SMPDL3B: variants seen among roughly 807,000 people sequenced by gnomAD.
The protein encoded by SMPDL3B is acid sphingomyelinase-like phosphodiesterase 3b.
SMPDL3B carries 31 observed loss-of-function variants against 37.9 expected under a neutral mutation model. The ratio of observed to expected loss-of-function variants is 0.82; its 90% CI spans 0.61 to 1.10. The LOEUF (loss-of-function observed/expected upper bound fraction) is 1.10, where lower values mean the gene tolerates loss of function less well. Among genes scored for constraint, SMPDL3B ranks in the 50% least tolerant of loss-of-function variants. SMPDL3B has a pLI of 0.00. For synonymous variants in SMPDL3B, 235 were observed against 242.6 expected (o/e 0.97, Z 0.29); for missense variants, 525 against 597.8 (o/e 0.88, Z 1.27).
chr1:27,949,398 T>C (rs570140444), intron 3 of SMPDL3B, among the ~76,000 whole-genome samples: 4 of 152,310 alleles, frequency 2.6e-5, no homozygotes, highest in African/African-American at 9.6e-5. Flanking sequence ...ATGCCCAGCC[T>C]TTCACTGACT....
chr1:27,938,132 G>A (rs571803779), intron 1 of SMPDL3B, among the ~76,000 whole-genome samples: 72 of 152,342 alleles, frequency 4.7e-4, no homozygotes, highest in Middle Eastern at 3.4e-3. Flanking sequence ...TCATGGAGCT[G>A]TACATCACCT....
intron 7 of SMPDL3B, among the ~76,000 whole-genome samples, chr1:27,956,794 G>A (rs1638297366): frequency 6.6e-6 from 1 of 152,184 alleles, no homozygotes; most frequent in Non-Finnish European, 1.5e-5. Context: ...GGGCTAAGGA[G>A]AAAATCAAAA....
At chr1:27,956,358 C>T (rs1638278503) in intron 7 of SMPDL3B, 2 of 1,337,106 alleles carry the variant, frequency 1.5e-6, no homozygotes, top group Admixed American at 5.6e-5. Context: ...GGCCCATCCG[C>T]TACACAAGAG....
intron 4 of SMPDL3B, among the ~76,000 whole-genome samples, chr1:27,954,008 A>G (rs2090476919): frequency 6.6e-6 from 1 of 152,248 alleles, no homozygotes; most frequent in Non-Finnish European, 1.5e-5. Flanking sequence ...TTTAGTCCAC[A>G]TAGATCAGCT....
intron 3 of SMPDL3B, among the ~76,000 whole-genome samples, chr1:27,952,265 C>T (rs1437234649): frequency 6.6e-6 from 1 of 152,076 alleles, no homozygotes; most frequent in Non-Finnish European, 1.5e-5. Flanking sequence ...TTTTGACAAC[C>T]TCCTACTTTG....
chr1:27,953,712 GCTGGATAACT>G (rs2090474531), intron 4 of SMPDL3B, among the ~76,000 whole-genome samples: 1 of 152,200 alleles, frequency 6.6e-6, no homozygotes, highest in South Asian at 2.1e-4. Context: ...GACACCATGG[GCTGGATAACT>G]CTGTCGCAGA....
In SMPDL3B at chr1:27,945,491, A is replaced by G. The variant is rs778058897; in HGVS notation, c.275+46A>G. On this transcript the variant is annotated intron_variant, in intron 2 of 7. Coordinates refer to ENST00000373894, the MANE Select transcript of SMPDL3B (RefSeq NM_014474.4). This position sits in a 1 kb window ranked among gnomAD's most constrained non-coding sequence, Gnocchi z 4.0. ...AGCTACCCTTTGCCAGGCATCTGCT[A>G]TGTGCTACATACCAGTCTGGCCCTT... is the stretch of plus-strand genomic sequence containing the variant. 4 of 1,463,858 alleles carry G rather than the reference A, an allele frequency of 2.7e-6. No individual in the cohort carries two copies. Among genetic ancestry groups the G allele is most frequent in the Admixed American group, 1.7e-5 (1 of 58,466 alleles). The allele number at this position is 1,463,858 out of a possible 1,614,324, so 90.7% of individuals were successfully genotyped here.
rs773456344 is a variant in SMPDL3B, at chr1:27,958,557, G to A, written c.1087G>A (p.Glu363Lys). Residue 363 changes from glutamate (E) to lysine (K), a missense_variant, in exon 8 of 8, where the codon GAG becomes AAG. Coordinates refer to ENST00000373894, the MANE Select transcript of SMPDL3B (RefSeq NM_014474.4). This position sits in a 1 kb window ranked among gnomAD's most constrained non-coding sequence, Gnocchi z 5.6. Reference protein sequence around the residue: ...PRWELEYQLTEAYGVPDASAH... With the variant: ...PRWELEYQLTKAYGVPDASAH... ...CTGGGAGCTCGAGTACCAGCTGACC[G>A]AGGCCTATGGGGTGCCGGACGCCAG... is the stretch of plus-strand genomic sequence containing the variant. 8.7e-6 allele frequency: 14 copies of A among 1,613,906 alleles called. No individual in the cohort carries two copies. Among genetic ancestry groups the A allele is most frequent in the Admixed American group, 3.3e-5 (2 of 60,024 alleles).
chr1:27,951,363 C>T lies in SMPDL3B; in HGVS notation c.374-1852C>T, dbSNP rs528846843. ...CACTCCCATCTTATAGATAACTAAA[C>T]TGAAGTACAGAGAGGTCGAGTAAGT... On this transcript the variant is annotated intron_variant, in intron 3 of 7. Coordinates refer to ENST00000373894, the MANE Select transcript of SMPDL3B (RefSeq NM_014474.4). 2.6e-5 allele frequency among the ~76,000 whole-genome samples: 4 copies of T among 152,256 alleles called. No individual in the cohort carries two copies. The South Asian group carries it at 8.3e-4, about 32-fold the overall frequency.
intron 1 of SMPDL3B, among the ~76,000 whole-genome samples, chr1:27,940,669 G>A (rs2090349702): frequency 6.6e-6 from 1 of 152,128 alleles, no homozygotes; most frequent in African/African-American, 2.4e-5. Context: ...GAATAATAAT[G>A]ATAGCTGAGA....
chr1:27,955,563 G>A, intron 5 of SMPDL3B, 121 bp from the exon 6 acceptor site: 1 of 934,552 alleles, frequency 1.1e-6, no homozygotes, highest in Non-Finnish European at 1.7e-6. Flanking sequence ...GAGGCCTTCA[G>A]GGAGGAGATA....
chr1:27,958,502 G>C lies in SMPDL3B; in HGVS notation c.1032G>C (p.Leu344=). The C allele has an allele frequency of 1.2e-6, 2 of 1,609,190 alleles. No homozygotes were observed. The highest frequency in any genetic ancestry group is 2.2e-5 in the South Asian group (2 of 90,890). Residue 344 remains leucine (L), a synonymous_variant, in exon 8 of 8, where the codon CTG becomes CTC. Transcript: ENST00000373894. The surrounding 1 kb of genome is among the most constrained non-coding windows in gnomAD (Gnocchi z 5.6). The part of the protein sequence containing the change: ...LKDMVTYFMN[L]SQANAQGTPR... ...ACATGGTGACCTACTTCATGAACCT[G>C]AGCCAGGCGAATGCTCAGGGGACGC...
chr1:27,959,017 C>T lies in SMPDL3B; in HGVS notation c.*179C>T. The T allele has an allele frequency of 1.4e-6, 1 of 737,826 alleles. No homozygotes were observed. The allele number at this position is 737,826 out of a possible 1,614,324, so 45.7% of individuals were successfully genotyped here. A position where few individuals can be genotyped will look rare whatever the true frequency, so the allele number is the denominator to read the frequency against. On this transcript the variant is annotated 3_prime_UTR_variant, in exon 8 of 8. Transcript: ENST00000373894. ...CCGTGATCGCGCCACTGCACTCCAG[C>T]CTGGGTGACAAAGCCAGACTCTCTC...
At chr1:27,941,928 G>T (rs1228779765) in intron 1 of SMPDL3B, among the ~76,000 whole-genome samples, 1 of 152,070 alleles carries the variant, frequency 6.6e-6, no homozygotes, top group Non-Finnish European at 1.5e-5. Context: ...GGAGCTGCCC[G>T]CCTGGACCTC....
intron 1 of SMPDL3B, among the ~76,000 whole-genome samples, chr1:27,940,677 A>G (rs1356963610): frequency 3.3e-5 from 5 of 152,160 alleles, no homozygotes; most frequent in African/African-American, 1.2e-4. Context: ...ATGATAGCTG[A>G]GATTGGTGTA....
Position 27,945,403 on chromosome 1 carries a change from T to C in SMPDL3B, c.233T>C (p.Met78Thr), listed in dbSNP as rs1454116783. Residue 78 changes from methionine (M) to threonine (T), a missense_variant, in exon 2 of 8, where the codon ATG becomes ACG. Physicochemically the swap from Met to Thr is moderately conservative, Grantham distance 81 (BLOSUM62 -1). Coordinates refer to ENST00000373894, the MANE Select transcript of SMPDL3B (RefSeq NM_014474.4). This position sits in a 1 kb window ranked among gnomAD's most constrained non-coding sequence, Gnocchi z 4.0. The stretch of plus-strand genomic sequence containing the variant: ...CTCATCAACTCCTCCATCTATGCCA[T>C]GAAGGAGATTGAGCCAGAGCCAGAC... ...WALINSSIYA[M>T]KEIEPEPDFI... The C allele has an allele frequency of 1.2e-6, 2 of 1,613,980 alleles. No homozygotes were observed. The highest frequency in any genetic ancestry group is 1.1e-5 in the South Asian group (1 of 91,080).
At chr1:27,947,653 G>GC (rs2090422257) in intron 2 of SMPDL3B, among the ~76,000 whole-genome samples, 1 of 106,154 alleles carries the variant, frequency 9.4e-6, no homozygotes, top group African/African-American at 3.4e-5. Context: ...GTGTTTTTTT[G>GC]TTTTTTTTTT....
At position 27,940,890 on chromosome 1, in the gene SMPDL3B, G is replaced by A. The variant is rs181396027; in HGVS notation, c.62-4342G>A. ...CCCCAGTCTCACTCCTGGCCCAAGG[G>A]GTAATTGCAGGTAACGGTATGGTGC... On this transcript the variant is annotated intron_variant, in intron 1 of 7. Transcript: ENST00000373894. Among the ~76,000 whole-genome samples the A allele has an allele frequency of 2.6e-5, 4 of 152,290 alleles. No individual in the cohort carries two copies. In the East Asian group the frequency reaches 7.7e-4, roughly 29 times the overall value.
chr1:27,956,412 G>A (rs570263139), intron 7 of SMPDL3B: 118 of 1,266,966 alleles, frequency 9.3e-5, no homozygotes, highest in African/African-American at 6.6e-4. Context: ...TCTTGTCTCC[G>A]TCCTGCTCAA....
Sources: gnomAD v4.1 joint callset for allele counts (sites outside exome capture counted in the v4.1 genomes callset) on GRCh38, gnomAD v4.1.1 for gene constraint, Gnocchi (gnomAD v3.1) non-coding constraint, MANE v1.5 for transcripts, NCBI Gene and HGNC (gene_info 2026-07-23, HGNC 2026-07-21) for gene names.